The following HSDL1 variants were observed in gnomAD, a reference collection of about 807,000 sequenced individuals.
The protein encoded by HSDL1 is hydroxysteroid dehydrogenase like 1, also known as inactive hydroxysteroid dehydrogenase-like protein 1.
Under a neutral mutation model 31.5 loss-of-function variants are expected in HSDL1, and 29 were observed. That is an observed-to-expected ratio of 0.92 (90% CI 0.69 to 1.26). The LOEUF is 1.26. Among genes scored for constraint, HSDL1 ranks in the 50% most tolerant of loss-of-function variants. HSDL1 has a pLI of 0.00. For missense variants in HSDL1, 503 were observed against 416.6 expected (o/e 1.21, Z -1.81); for synonymous variants, 222 against 155.2 (o/e 1.43, Z -3.20).
At chr16:84,132,573 A>G (rs2086678856) in intron 2 of HSDL1, among the ~76,000 whole-genome samples, 1 of 152,220 alleles carries the variant, frequency 6.6e-6, no homozygotes, top group Non-Finnish European at 1.5e-5. Context: ...AGCACCTACT[A>G]TGTTCTATGT....
rs553224060 is a variant in HSDL1, at chr16:84,141,090, C to CAAAAAAAAAAAAAAAAAAAA, written c.-69+3989_-69+3990insTTTTTTTTTTTTTTTTTTTT. ...TGGGCGACAGAACGAGACTCCGTCT[C>CAAAAAAAAAAAAAAAAAAAA]AAACAAAAAAAAAAACAGTATTGCT... is the stretch of plus-strand genomic sequence containing the variant. On this transcript the variant is annotated intron_variant, in intron 1 of 5. Transcript: ENST00000219439. Among the ~76,000 whole-genome samples, 9 of 136,166 alleles carry CAAAAAAAAAAAAAAAAAAAA rather than the reference C, an allele frequency of 6.6e-5. 1 individual carries two copies. The highest frequency in any genetic ancestry group is 2.5e-4 in the African/African-American group (7 of 27,518). The allele number at this position is 136,166 out of a possible 152,430, so 89.3% of individuals were successfully genotyped here. A position where few individuals can be genotyped will look rare whatever the true frequency, so the allele number is the denominator to read the frequency against.
chr16:84,136,703 T>C (rs1242573059), intron 1 of HSDL1, among the ~76,000 whole-genome samples: 1 of 152,210 alleles, frequency 6.6e-6, no homozygotes, highest in Non-Finnish European at 1.5e-5. Context: ...ACGCCCCCAC[T>C]AGACACCCCT....
At chr16:84,143,357 C>T (rs1002549646) in intron 1 of HSDL1, among the ~76,000 whole-genome samples, 9 of 152,050 alleles carry the variant, frequency 5.9e-5, no homozygotes, top group African/African-American at 2.2e-4. Context: ...TACAAAAGGC[C>T]GTATGTTGTA....
intron 2 of HSDL1, among the ~76,000 whole-genome samples, chr16:84,134,025 G>A (rs2086690657): frequency 6.6e-6 from 1 of 152,052 alleles, no homozygotes; most frequent in Non-Finnish European, 1.5e-5. Flanking sequence ...TCTTTTTTCT[G>A]AGCAATCTTC....
At position 84,123,366 on chromosome 16, in the gene HSDL1, C is replaced by T. The variant is rs964374500; in HGVS notation, c.*1264G>A. The T allele has an allele frequency of 3.3e-5, 5 of 152,194 alleles. No homozygotes were observed. Among genetic ancestry groups the T allele is most frequent in the Non-Finnish European group, 7.3e-5 (5 of 68,042 alleles). 9.4% of individuals were successfully genotyped at this position (152,194 alleles called of 1,614,324 possible). A position where few individuals can be genotyped will look rare whatever the true frequency, so the allele number is the denominator to read the frequency against. ...TGCCGAGCTCTGAATTTTAAATGTG[C>T]ACATATTGTCATATTCATATAGTGA... On this transcript the variant is annotated 3_prime_UTR_variant, in exon 6 of 6. Transcript: ENST00000219439.
chr16:84,139,169 A>G (rs2086741537), intron 1 of HSDL1: 1 of 152,272 alleles, frequency 6.6e-6, no homozygotes, highest in Admixed American at 6.5e-5. Flanking sequence ...TGGGCACAGT[A>G]ATGGCCTCCA....
At position 84,129,533 on chromosome 16, in the gene HSDL1, G is replaced by A. The variant is rs2086640667; in HGVS notation, c.894+15C>T. The A allele has an allele frequency of 1.5e-5, 23 of 1,574,632 alleles. No homozygotes were observed. The highest frequency in any genetic ancestry group is 1.8e-5 in the Non-Finnish European group (21 of 1,143,894). On this transcript the variant is annotated intron_variant, in intron 5 of 5. Transcript: ENST00000219439. ...ATGCATTAATCTAATTATGAGACCTGAAGCACACTCCTACCTGAATAGAAT... is the reference window on the plus strand; with the variant it reads ...ATGCATTAATCTAATTATGAGACCTAAAGCACACTCCTACCTGAATAGAAT...
At chr16:84,125,930 C>T (rs2086602091) in intron 5 of HSDL1, among the ~76,000 whole-genome samples, 1 of 152,038 alleles carries the variant, frequency 6.6e-6, no homozygotes, top group Admixed American at 6.6e-5. Flanking sequence ...GGTGAAACCC[C>T]ATCTCTACTA....
At chr16:84,128,061 G>T in intron 5 of HSDL1, among the ~76,000 whole-genome samples, 1 of 150,906 alleles carries the variant, frequency 6.6e-6, no homozygotes, top group Non-Finnish European at 1.5e-5. Flanking sequence ...GGCCAAGGCG[G>T]GTGGATCACC....
intron 3 of HSDL1, among the ~76,000 whole-genome samples, chr16:84,130,725 G>A (rs2086655617): frequency 6.6e-6 from 1 of 152,190 alleles, no homozygotes; most frequent in South Asian, 2.1e-4. Flanking sequence ...TTGAATGAGT[G>A]GCAGGAGGTG....
rs1484083758 is a variant in HSDL1 at position 84,129,530 on chromosome 16, C to A, written c.894+18G>T. On this transcript the variant is annotated intron_variant, in intron 5 of 5. Transcript: ENST00000219439. ...ATGATGCATTAATCTAATTATGAGA[C>A]CTGAAGCACACTCCTACCTGAATAG... The A allele has an allele frequency of 1.3e-6, 2 of 1,558,696 alleles. No homozygotes were observed. Among genetic ancestry groups the A allele is most frequent in the Non-Finnish European group, 1.8e-6 (2 of 1,129,486 alleles).
chr16:84,124,803 C>G, intron 5 of HSDL1, 75 bp from the exon 6 acceptor site: 1 of 920,494 alleles, frequency 1.1e-6, no homozygotes, highest in Non-Finnish European at 1.8e-6. Context: ...CACAGACCAG[C>G]ACATGAAACC....
At chr16:84,144,692 G>A (rs2086822247) in intron 1 of HSDL1, among the ~76,000 whole-genome samples, 1 of 152,020 alleles carries the variant, frequency 6.6e-6, no homozygotes. Context: ...AGAGGCTGCA[G>A]GGAGGGCAGG....
Position 84,123,394 on chromosome 16 carries a change from TAG to T in HSDL1, c.*1234_*1235del, listed in dbSNP as rs1180387994. 13 of 152,228 alleles carry T rather than the reference TAG, an allele frequency of 8.5e-5. No individual in the cohort carries two copies. Among genetic ancestry groups the T allele is most frequent in the Admixed American group, 8.5e-4 (13 of 15,286 alleles). The allele number at this position is 152,228 out of a possible 1,614,324, so 9.4% of individuals were successfully genotyped here. A position where few individuals can be genotyped will look rare whatever the true frequency, so the allele number is the denominator to read the frequency against. The stretch of plus-strand genomic sequence containing the variant: ...ATATTGTCATATTCATATAGTGACT[TAG>T]AGTTTTCAAAGCACTAGGTACATGG... On this transcript the variant is annotated 3_prime_UTR_variant, in exon 6 of 6. Coordinates refer to ENST00000219439, the MANE Select transcript of HSDL1 (RefSeq NM_031463.5).
intron 1 of HSDL1, among the ~76,000 whole-genome samples, chr16:84,137,636 A>G (rs911790379): frequency 4.6e-5 from 7 of 152,112 alleles, no homozygotes; most frequent in Admixed American, 2.6e-4. Context: ...ATTCACTCAC[A>G]CCCTGATGGG....
At chr16:84,138,950 C>T (rs1166921825) in intron 1 of HSDL1, among the ~76,000 whole-genome samples, 2 of 152,188 alleles carry the variant, frequency 1.3e-5, no homozygotes, top group Non-Finnish European at 2.9e-5. Flanking sequence ...GTGTAAAGGG[C>T]AATCAACTCA....
chr16:84,130,049 G>C lies in HSDL1; in HGVS notation c.603C>G (p.Val201=), dbSNP rs1446991963. 1 of 1,614,052 alleles carries C rather than the reference G, an allele frequency of 6.2e-7. No homozygotes were observed. The highest frequency in any genetic ancestry group is 8.5e-7 in the Non-Finnish European group (1 of 1,180,040). ...TGCAGCAGGAGCCAGAAGAGATCGTGACGATGGCACCTTTCTTTCTCTCCA... is the reference window on the plus strand; with the variant it reads ...TGCAGCAGGAGCCAGAAGAGATCGTCACGATGGCACCTTTCTTTCTCTCCA... ...GMVERKKGAI[V]TISSGSCCKP... Residue 201 remains valine (V), a synonymous_variant, in exon 4 of 6, where the codon GTC becomes GTG. Transcript: ENST00000219439.
chr16:84,133,481 C>T (rs2086686308), intron 2 of HSDL1, among the ~76,000 whole-genome samples: 1 of 152,204 alleles, frequency 6.6e-6, no homozygotes, highest in Admixed American at 6.5e-5. Context: ...TGGCTCATGC[C>T]TATAATCCCA....
rs927051354 is a variant in HSDL1 at position 84,145,163 on chromosome 16, G to A, written c.-152C>T. 3.3e-5 allele frequency: 8 copies of A among 239,588 alleles called. No individual in the cohort carries two copies. Among genetic ancestry groups the A allele is most frequent in the Admixed American group, 1.1e-4 (2 of 17,472 alleles). The allele number at this position is 239,588 out of a possible 1,614,324, so 14.8% of individuals were successfully genotyped here. A position where few individuals can be genotyped will look rare whatever the true frequency, so the allele number is the denominator to read the frequency against. ...CGTCTCGGCCGCCGGAGCTGCTGCC[G>A]CGCCGCGCCCTCACGTGACCCGCGT... On this transcript the variant is annotated 5_prime_UTR_variant, in exon 1 of 6. Transcript: ENST00000219439.
Sources: gnomAD v4.1 joint callset for allele counts (sites outside exome capture counted in the v4.1 genomes callset) on GRCh38, gnomAD v4.1.1 for gene constraint, MANE v1.5 for transcripts, NCBI Gene and HGNC (gene_info 2026-07-23, HGNC 2026-07-21) for gene names.